The following LRP1 variants were observed in gnomAD, a reference collection of about 807,000 sequenced individuals.
LRP1 encodes prolow-density lipoprotein receptor-related protein 1.
A neutral mutation model predicts 541.5 loss-of-function variants in LRP1; 51 were observed. The ratio of observed to expected loss-of-function variants is 0.09; its 90% CI spans 0.08 to 0.12. LRP1 has a LOEUF of 0.12. Among genes scored for constraint, LRP1 ranks in the 10% least tolerant of loss-of-function variants. LRP1 has a pLI of 1.00. For missense variants in LRP1, 3,878 were observed against 6,376.2 expected, an observed-to-expected ratio of 0.61 and a Z score of 13.34; for synonymous variants, 2,219 against 2,470.8, an observed-to-expected ratio of 0.90 and a Z score of 3.02.
intron 82 of LRP1, 63 bp downstream of exon 82, chr12:57,210,543 A>G: frequency 1.0e-6 from 1 of 966,276 alleles, no homozygotes; most frequent in South Asian, 2.7e-5. Flanking sequence ...GCCACCCACC[A>G]CCCCACCTCA....
chr12:57,135,233 C>T (rs1026048808), intron 1 of LRP1, among the ~76,000 whole-genome samples: 2 of 152,182 alleles, frequency 1.3e-5, no homozygotes, highest in African/African-American at 4.8e-5. Context: ...GGGAGACCTC[C>T]GGGTTCTCTC....
At position 57,165,767 on chromosome 12, in the gene LRP1, G is replaced by T; in HGVS notation, c.2531-38G>T. 1 of 1,599,398 alleles carries T rather than the reference G, an allele frequency of 6.3e-7. No individual in the cohort carries two copies. Among genetic ancestry groups the T allele is most frequent in the Non-Finnish European group, 8.6e-7 (1 of 1,167,490 alleles). Reference sequence around the variant, plus strand: ...GCTTAGTACTTGTCCCACGACCGGGGTCTGACTTTCCCCCTCACGATCCTG... The same window carrying T: ...GCTTAGTACTTGTCCCACGACCGGGTTCTGACTTTCCCCCTCACGATCCTG... On this transcript the variant is annotated intron_variant, in intron 15 of 88. Coordinates refer to ENST00000243077, the MANE Select transcript of LRP1 (RefSeq NM_002332.3). This position sits in a 1 kb window ranked among gnomAD's most constrained non-coding sequence, Gnocchi z 4.5.
rs992873900 is a variant in LRP1 at position 57,197,438 on chromosome 12, C to G, written c.9162+54C>G. On this transcript the variant is annotated intron_variant, in intron 57 of 88. Coordinates refer to ENST00000243077, the MANE Select transcript of LRP1 (RefSeq NM_002332.3). This position sits in a 1 kb window ranked among gnomAD's most constrained non-coding sequence, Gnocchi z 4.5. ...GCCCATCTCCCAGACCCAGCACAGC[C>G]TCCCTTGCAAGTCTCCCCGCTTAGG... 1 of 1,609,986 alleles carries G rather than the reference C, an allele frequency of 6.2e-7. No individual in the cohort carries two copies. Among genetic ancestry groups the G allele is most frequent in the Non-Finnish European group, 8.5e-7 (1 of 1,176,898 alleles).
At chr12:57,164,697 T>C (rs887642863) in intron 15 of LRP1, 5 of 152,190 alleles carry the variant, frequency 3.3e-5, no homozygotes, top group African/African-American at 1.2e-4. Context: ...CCAGAGCCTG[T>C]TTTGTAATCA....
At chr12:57,166,406 A>T (rs34249445) in intron 17 of LRP1, 197 bp downstream of exon 17, 11,323 of 659,064 alleles carry the variant, frequency 0.017, 718 homozygotes, top group African/African-American at 0.15. Context: ...AAAAAAATTT[A>T]AAAAAACTGC....
In LRP1 at chr12:57,184,065, CCCA is replaced by C. The variant is rs1486835949; in HGVS notation, c.5930-16_5930-14del. ...CTGTCCTCACCTAACCTCCCTGAGC[CCCA>C]CCAACTCCCTCCTTAGGCAACATCT... is the stretch of plus-strand genomic sequence containing the variant. On this transcript the variant is annotated splice_polypyrimidine_tract_variant and intron_variant, in intron 36 of 88. Transcript: ENST00000243077. The surrounding 1 kb of genome is among the most constrained non-coding windows in gnomAD (Gnocchi z 7.8). 6.2e-7 allele frequency: 1 copy of C among 1,610,880 alleles called. No individual in the cohort carries two copies. The highest frequency in any genetic ancestry group is 1.1e-5 in the South Asian group (1 of 90,678).
intron 55 of LRP1, 88 bp downstream of exon 55, chr12:57,196,365 A>T: frequency 8.1e-7 from 1 of 1,237,566 alleles, no homozygotes; most frequent in Non-Finnish European, 1.1e-6. Context: ...TTCATCCCCT[A>T]GACAGTGGGG....
chr12:57,205,630 G>T lies in LRP1; in HGVS notation c.11543G>T (p.Ser3848Ile), dbSNP rs1464807815. Reference sequence around the variant, plus strand: ...AACACCAAGGGCGGCCACCTCTGCAGCTGCGCTCGGAACTTCATGAAGACG... The same window carrying T: ...AACACCAAGGGCGGCCACCTCTGCATCTGCGCTCGGAACTTCATGAAGACG... ...CNNTKGGHLC[S>I]CARNFMKTHN... Residue 3848 changes from serine to isoleucine, a missense_variant, in exon 75 of 89, where the codon AGC becomes ATC. This residue lies in a region of LRP1 where 871 missense variants were observed against 1,212.4 expected (regional missense o/e 0.72). Coordinates refer to ENST00000243077, the MANE Select transcript of LRP1 (RefSeq NM_002332.3). The surrounding 1 kb of genome is among the most constrained non-coding windows in gnomAD (Gnocchi z 4.6). 6.2e-7 allele frequency: 1 copy of T among 1,613,518 alleles called. No homozygotes were observed. Among genetic ancestry groups the T allele is most frequent in the South Asian group, 1.1e-5 (1 of 91,090 alleles).
chr12:57,202,375 C>T, intron 67 of LRP1, 46 bp from the exon 68 acceptor site: 1 of 1,426,768 alleles, frequency 7.0e-7, no homozygotes, highest in Non-Finnish European at 9.9e-7. Flanking sequence ...ACCCTAATGT[C>T]TGCCCCAGCC....
At chr12:57,143,654 A>G in intron 3 of LRP1, 25 bp from the exon 4 acceptor site, 1 of 1,603,592 alleles carries the variant, frequency 6.2e-7, no homozygotes, top group Non-Finnish European at 8.5e-7. Context: ...CGGCCTGAAT[A>G]TGTGTCTCTC....
chr12:57,185,673 C>T lies in LRP1; in HGVS notation c.6606C>T (p.Leu2202=). ...ASCREYAGYL[L]YSERTILKSI... ...GCCGCGAGTATGCCGGCTACCTGCT[C>T]TACTCAGAGCGCACCATTCTCAAGA... is the stretch of plus-strand genomic sequence containing the variant. Residue 2202 remains leucine (L), a synonymous_variant, in exon 41 of 89, where the codon CTC becomes CTT. Transcript: ENST00000243077. This position sits in a 1 kb window ranked among gnomAD's most constrained non-coding sequence, Gnocchi z 4.9. 1 of 1,613,908 alleles carries T rather than the reference C, an allele frequency of 6.2e-7. No individual in the cohort carries two copies. The highest frequency in any genetic ancestry group is 1.1e-5 in the South Asian group (1 of 91,084).
At chr12:57,133,581 A>C (rs1206004708) in intron 1 of LRP1, among the ~76,000 whole-genome samples, 16 of 151,850 alleles carry the variant, frequency 1.1e-4, no homozygotes, top group South Asian at 8.3e-4. Context: ...CACCCCCATA[A>C]GGTCGAAAAT....
At position 57,197,718 on chromosome 12, in the gene LRP1, T is replaced by C; in HGVS notation, c.9282+54T>C. 6.3e-7 allele frequency: 1 copy of C among 1,595,104 alleles called. No individual in the cohort carries two copies. On this transcript the variant is annotated intron_variant, in intron 58 of 88. Coordinates refer to ENST00000243077, the MANE Select transcript of LRP1 (RefSeq NM_002332.3). This position sits in a 1 kb window ranked among gnomAD's most constrained non-coding sequence, Gnocchi z 4.5. ...ACTGGCCCGCCTCAGATGACTGTTT[T>C]CAGATCGTCTCTCCTTCCCGCCCCA...
chr12:57,130,090 A>C (rs1266107557), intron 1 of LRP1, among the ~76,000 whole-genome samples: 1 of 151,902 alleles, frequency 6.6e-6, no homozygotes, highest in African/African-American at 2.4e-5. Context: ...TCACTGGTTC[A>C]AGTCTTGCCC....
In LRP1 at chr12:57,205,753, T is replaced by A; in HGVS notation, c.11590+76T>A. The A allele has an allele frequency of 1.3e-6, 2 of 1,574,916 alleles. No homozygotes were observed. Among genetic ancestry groups the A allele is most frequent in the Non-Finnish European group, 1.7e-6 (2 of 1,164,136 alleles). On this transcript the variant is annotated intron_variant, in intron 75 of 88. Coordinates refer to ENST00000243077, the MANE Select transcript of LRP1 (RefSeq NM_002332.3). The surrounding 1 kb of genome is among the most constrained non-coding windows in gnomAD (Gnocchi z 4.6). ...GATATCAAACGGGGCCGACTTGGAA[T>A]GGAATGTCTTCCTGCGGACATCTTG...
At chr12:57,193,067 C>T (rs2036450822) in intron 45 of LRP1, 97 bp downstream of exon 45, 1 of 1,585,022 alleles carries the variant, frequency 6.3e-7, no homozygotes, top group African/African-American at 1.3e-5. Context: ...CCCCCCAAAG[C>T]CTTTTGCCAA....
intron 1 of LRP1, among the ~76,000 whole-genome samples, chr12:57,136,124 C>T (rs931739856): frequency 1.3e-5 from 2 of 152,220 alleles, no homozygotes; most frequent in Non-Finnish European, 2.9e-5. Context: ...ACTAGGCTGG[C>T]GGGCTGTGTT....
At chr12:57,209,413 A>G (rs555934792) in intron 79 of LRP1, among the ~76,000 whole-genome samples, 2 of 152,284 alleles carry the variant, frequency 1.3e-5, no homozygotes, top group East Asian at 3.9e-4. Flanking sequence ...TTGTCCATTC[A>G]TTGGTTGGGT....
At chr12:57,207,902 G>A (rs2036819705) in intron 76 of LRP1, 136 bp from the exon 77 acceptor site, 1 of 950,032 alleles carries the variant, frequency 1.1e-6, no homozygotes. Context: ...TAAGCTCCAT[G>A]CCGGTTGAAT....
Sources: gnomAD v4.1 joint callset for allele counts (sites outside exome capture counted in the v4.1 genomes callset) on GRCh38, gnomAD v4.1.1 for gene constraint, gnomAD v4.1.1 regional missense constraint, Gnocchi (gnomAD v3.1) non-coding constraint, MANE v1.5 for transcripts, NCBI Gene and HGNC (gene_info 2026-07-23, HGNC 2026-07-21) for gene names.